PCNX4: variants seen among roughly 807,000 people sequenced by gnomAD.
The protein encoded by PCNX4 is pecanex-like protein 4.
PCNX4 carries 103 observed loss-of-function variants against 107.2 expected under a neutral mutation model. That is an observed-to-expected ratio of 0.96 (90% CI 0.82 to 1.13). PCNX4 has a LOEUF of 1.13. Among genes scored for constraint, PCNX4 ranks in the 50% most tolerant of loss-of-function variants. The pLI is 0.00. For missense variants in PCNX4, 1,528 were observed against 1,379.4 expected (o/e 1.11, Z -1.71); for synonymous variants, 541 against 481.7 (o/e 1.12, Z -1.61).
intron 1 of PCNX4, among the ~76,000 whole-genome samples, chr14:60,101,086 C>CTGT (rs1038681303): frequency 3.3e-5 from 5 of 152,224 alleles, no homozygotes; most frequent in Non-Finnish European, 7.3e-5. Context: ...CATTTCTTTT[C>CTGT]TGTTGATCCC....
intron 2 of PCNX4, among the ~76,000 whole-genome samples, chr14:60,112,239 A>T (rs1314733100): frequency 6.6e-6 from 1 of 152,212 alleles, no homozygotes; most frequent in African/African-American, 2.4e-5. Flanking sequence ...ACACATTTAT[A>T]TCATCTTAGC....
At position 60,134,393 on chromosome 14, in the gene PCNX4, C is replaced by A. The variant is rs759701171; in HGVS notation, c.*172C>A. 1.4e-6 allele frequency: 1 copy of A among 716,244 alleles called. No individual in the cohort carries two copies. 44.4% of individuals were successfully genotyped at this position (716,244 alleles called of 1,614,324 possible). ...TAGCCATCTTAATGGTTCTAAAAAA[C>A]AGCAAAAACATCTTTATGTCTAAGA... On this transcript the variant is annotated 3_prime_UTR_variant, in exon 11 of 11. Transcript: ENST00000406854.
chr14:60,119,181 C>T (rs896093183), intron 7 of PCNX4, among the ~76,000 whole-genome samples: 1 of 152,110 alleles, frequency 6.6e-6, no homozygotes, highest in Non-Finnish European at 1.5e-5. Context: ...ATAAAAACTT[C>T]GGTCAGTGAT....
At position 60,114,735 on chromosome 14, in the gene PCNX4, A is replaced by G; in HGVS notation, c.725A>G (p.Asn242Ser). The part of the protein sequence containing the change: ...VVNMPALEHM[N>S]QILHILFVFL... Reference sequence around the variant, plus strand: ...AATATGCCAGCTCTAGAACACATGAATCAGATTTTACACATCTTGTTTGTA... The same window carrying G: ...AATATGCCAGCTCTAGAACACATGAGTCAGATTTTACACATCTTGTTTGTA... The change falls in exon 3 of 11, where the codon AAT becomes AGT. Residue 242 changes from asparagine (N) to serine (S), a missense_variant. Coordinates refer to ENST00000406854, the MANE Select transcript of PCNX4 (RefSeq NM_001330177.2). 1 of 1,613,670 alleles carries G rather than the reference A, an allele frequency of 6.2e-7. No individual in the cohort carries two copies. The highest frequency in any genetic ancestry group is 8.5e-7 in the Non-Finnish European group (1 of 1,179,752).
intron 7 of PCNX4, 37 bp downstream of exon 7, chr14:60,118,729 A>G (rs1480131001): frequency 6.6e-7 from 1 of 1,510,702 alleles, no homozygotes; most frequent in African/African-American, 1.4e-5. Flanking sequence ...TTTCTCACTA[A>G]TGTATTTAAA....
At chr14:60,093,407 C>T (rs141327533) in intron 1 of PCNX4, among the ~76,000 whole-genome samples, 2 of 152,150 alleles carry the variant, frequency 1.3e-5, no homozygotes, top group African/African-American at 4.8e-5. Context: ...TGTTTTCTGT[C>T]CCCATAAATT....
Position 60,124,551 on chromosome 14 carries a change from A to T in PCNX4, c.2380A>T (p.Met794Leu). ...NTENKGKAPL[M>L]LPALNTLPPP... Reference sequence around the variant, plus strand: ...TGAAAATAAAGGGAAAGCACCTCTAATGTTGCCTGCTTTGAACACTTTGCC... The same window carrying T: ...TGAAAATAAAGGGAAAGCACCTCTATTGTTGCCTGCTTTGAACACTTTGCC... Residue 794 changes from methionine (M) to leucine (L), a missense_variant, in exon 9 of 11, where the codon ATG (methionine) becomes TTG (leucine). Physicochemically the swap from Met to Leu is conservative, Grantham distance 15. Coordinates refer to ENST00000406854, the MANE Select transcript of PCNX4 (RefSeq NM_001330177.2). The T allele has an allele frequency of 6.2e-7, 1 of 1,613,772 alleles. No homozygotes were observed.
chr14:60,144,883 G>T lies in PCNX4; in HGVS notation c.*10662G>T. 1 of 1,155,302 alleles carries T rather than the reference G, an allele frequency of 8.7e-7. No individual in the cohort carries two copies. The highest frequency in any genetic ancestry group is 1.3e-5 in the South Asian group (1 of 76,034). The allele number at this position is 1,155,302 out of a possible 1,614,324, so 71.6% of individuals were successfully genotyped here. ...AAAGTAAAATCACAAATTAGTCTTT[G>T]ATTATTCAGAAGCATAAGAAGATTG... On this transcript the variant is annotated 3_prime_UTR_variant, in exon 11 of 11. Transcript: ENST00000406854.
Position 60,118,612 on chromosome 14 carries a change from G to T in PCNX4, c.1862G>T (p.Cys621Phe). Residue 621 changes from cysteine (C) to phenylalanine (F), a missense_variant, in exon 7 of 11, where the codon TGT becomes TTT. Transcript: ENST00000406854. ...PGAAGTTACV[C>F]ADTVYYYQMV... ...GCAGCAGGCACCACAGCCTGTGTGT[G>T]TGCAGATACAGTGTACTACTACCAA... 2 of 1,613,786 alleles carry T rather than the reference G, an allele frequency of 1.2e-6. No homozygotes were observed. The highest frequency in any genetic ancestry group is 1.7e-6 in the Non-Finnish European group (2 of 1,179,812).
At chr14:60,104,604 C>G (rs1212611839) in intron 1 of PCNX4, among the ~76,000 whole-genome samples, 1 of 152,166 alleles carries the variant, frequency 6.6e-6, no homozygotes, top group Non-Finnish European at 1.5e-5. Context: ...CACAATTTCT[C>G]ATGGCTGAGG....
chr14:60,134,477 G>C lies in PCNX4; in HGVS notation c.*256G>C. Reference sequence around the variant, plus strand: ...TGGACTTTAGTAGGCTTTGGTAAATGTGAGAAAACTTTTGTAGAATTATCA... The same window carrying C: ...TGGACTTTAGTAGGCTTTGGTAAATCTGAGAAAACTTTTGTAGAATTATCA... On this transcript the variant is annotated 3_prime_UTR_variant, in exon 11 of 11. Transcript: ENST00000406854. 2.6e-6 allele frequency: 1 copy of C among 392,024 alleles called. No individual in the cohort carries two copies. 24.3% of individuals were successfully genotyped at this position (392,024 alleles called of 1,614,324 possible).
intron 2 of PCNX4, among the ~76,000 whole-genome samples, chr14:60,113,874 G>T (rs554670530): frequency 6.6e-6 from 1 of 152,108 alleles, no homozygotes; most frequent in African/African-American, 2.4e-5. Flanking sequence ...TTTGTACTCT[G>T]TGCTTTAAAA....
At chr14:60,126,819 T>A (rs1896064147) in intron 10 of PCNX4, among the ~76,000 whole-genome samples, 1 of 152,214 alleles carries the variant, frequency 6.6e-6, no homozygotes, top group Admixed American at 6.5e-5. Flanking sequence ...GTGATGCCAC[T>A]GAAAATACTG....
chr14:60,108,231 A>G lies in PCNX4; in HGVS notation c.593A>G (p.Glu198Gly), dbSNP rs1895668697. The change falls in exon 2 of 11, where the codon GAG becomes GGG. Residue 198 changes from glutamate (E) to glycine (G), a missense_variant. Transcript: ENST00000406854. ...EYSLIVNTAT[E>G]TATFQTQDTY... ...TCTTTAATTGTAAACACAGCTACAG[A>G]GACTGCGACTTTCCAAACACAGGAT... is the stretch of plus-strand genomic sequence containing the variant. The G allele has an allele frequency of 6.2e-7, 1 of 1,612,764 alleles. No individual in the cohort carries two copies. Among genetic ancestry groups the G allele is most frequent in the Non-Finnish European group, 8.5e-7 (1 of 1,179,764 alleles).
At position 60,115,831 on chromosome 14, in the gene PCNX4, ATG is replaced by A. The variant is rs1895837063; in HGVS notation, c.1458+16_1458+17del. On this transcript the variant is annotated intron_variant, in intron 5 of 10. Transcript: ENST00000406854. Reference sequence around the variant, plus strand: ...GAGCCTTTAGAATGGTAATCCTAATATGTGTTTAATAGTATTTTCCTATTGCT... The same window carrying A: ...GAGCCTTTAGAATGGTAATCCTAATATGTTTAATAGTATTTTCCTATTGCT... The A allele has an allele frequency of 6.2e-7, 1 of 1,602,718 alleles. No individual in the cohort carries two copies. Among genetic ancestry groups the A allele is most frequent in the African/African-American group, 1.3e-5 (1 of 74,614 alleles).
At chr14:60,103,805 G>T (rs972089169) in intron 1 of PCNX4, among the ~76,000 whole-genome samples, 4 of 152,154 alleles carry the variant, frequency 2.6e-5, no homozygotes, top group Non-Finnish European at 1.5e-5. Context: ...TTCCTCCACA[G>T]GAGAAACACA....
In PCNX4 at chr14:60,115,867, T is replaced by C. The variant is rs988272691; in HGVS notation, c.1458+48T>C. The C allele has an allele frequency of 3.1e-6, 5 of 1,588,772 alleles. No homozygotes were observed. The African/African-American group carries it at 4.1e-5, about 13-fold the overall frequency. ...AGTATTTTCCTATTGCTAAGTTTTA[T>C]TGTAATTTTGTTTAATAGTTTGCTT... is the stretch of plus-strand genomic sequence containing the variant. On this transcript the variant is annotated intron_variant, in intron 5 of 10. Coordinates refer to ENST00000406854, the MANE Select transcript of PCNX4 (RefSeq NM_001330177.2).
intron 1 of PCNX4, among the ~76,000 whole-genome samples, chr14:60,094,905 A>G (rs1895393715): frequency 6.6e-6 from 1 of 152,112 alleles, no homozygotes. Flanking sequence ...ACTGGTTCTC[A>G]GGTTTTTTTG....
rs966547467 is a variant in PCNX4 at position 60,147,823 on chromosome 14, C to T, written c.*13602C>T. The T allele has an allele frequency of 1.3e-5, 2 of 152,186 alleles. No homozygotes were observed. Among genetic ancestry groups the T allele is most frequent in the African/African-American group, 4.8e-5 (2 of 41,424 alleles). The allele number at this position is 152,186 out of a possible 1,614,324, so 9.4% of individuals were successfully genotyped here. A position where few individuals can be genotyped will look rare whatever the true frequency, so the allele number is the denominator to read the frequency against. ...CCTAGCACCAGGCTGCATGCTCTGC[C>T]AGGAGGCTGTGCTTCCTCTGTAGTA... On this transcript the variant is annotated 3_prime_UTR_variant, in exon 11 of 11. Coordinates refer to ENST00000406854, the MANE Select transcript of PCNX4 (RefSeq NM_001330177.2).
Sources: allele counts gnomAD v4.1 joint callset (sites outside exome capture counted in the v4.1 genomes callset), GRCh38; gene constraint gnomAD v4.1.1; transcripts MANE v1.5; gene names NCBI Gene and HGNC (gene_info 2026-07-23, HGNC 2026-07-21).